Variants in KRABD5 observed in about 807,000 individuals in gnomAD.
KRABD5 encodes the protein KRAB domain containing 5.
At chr16:31,721,293 G>T in the KRABD5 span, among the ~76,000 whole-genome samples, 29 of 152,046 alleles carry the variant, frequency 1.9e-4, no homozygotes, top group East Asian at 4.8e-3. Context: ...ACGTATGTGC[G>T]TGTGACATAA....
the KRABD5 span, chr16:31,714,245 C>T: frequency 2.5e-6 from 1 of 402,084 alleles, no homozygotes; most frequent in East Asian, 7.2e-5. Context: ...TGACATGTTT[C>T]TTGCTCGAAA....
chr16:31,723,388 GAGAGGTCC>G, the KRABD5 span: 1 of 1,572,814 alleles, frequency 6.4e-7, no homozygotes, highest in South Asian at 1.2e-5. Flanking sequence ...TGACATGGGC[GAGAGGTCC>G]AGAGATTAAG....
chr16:31,733,651 C>CT, the KRABD5 span: 1 of 455,646 alleles, frequency 2.2e-6, no homozygotes. Flanking sequence ...AACAGTGTCT[C>CT]TTTCTTTTTG....
chr16:31,714,809 G>C, the KRABD5 span, among the ~76,000 whole-genome samples: 1 of 152,188 alleles, frequency 6.6e-6, no homozygotes, highest in Non-Finnish European at 1.5e-5. Context: ...TGTGGTCGAG[G>C]TTGGGCTGGA....
chr16:31,752,813 G>C, the KRABD5 span, among the ~76,000 whole-genome samples: 1 of 152,174 alleles, frequency 6.6e-6, no homozygotes, highest in Non-Finnish European at 1.5e-5. Flanking sequence ...GTTCCAGTGA[G>C]CTATGATTGT....
the KRABD5 span, among the ~76,000 whole-genome samples, chr16:31,742,539 A>G: frequency 6.6e-6 from 1 of 152,066 alleles, no homozygotes; most frequent in Non-Finnish European, 1.5e-5. Context: ...TATGTACCAC[A>G]GTTTCTTTAT....
the KRABD5 span, among the ~76,000 whole-genome samples, chr16:31,727,344 G>A: frequency 1.3e-5 from 2 of 152,180 alleles, no homozygotes; most frequent in East Asian, 1.9e-4. Context: ...GAAGGTTCAC[G>A]GCTTCACTCA....
At chr16:31,725,658 A>T in the KRABD5 span, among the ~76,000 whole-genome samples, 4 of 152,270 alleles carry the variant, frequency 2.6e-5, no homozygotes, top group South Asian at 8.3e-4. Context: ...CTGATATCTC[A>T]TTGTGTTATC....
the KRABD5 span, among the ~76,000 whole-genome samples, chr16:31,753,135 T>C: frequency 1.4e-4 from 22 of 152,320 alleles, no homozygotes; most frequent in South Asian, 4.6e-3. Flanking sequence ...CTAGTCATTC[T>C]GGGAGATTCT....
the KRABD5 span, among the ~76,000 whole-genome samples, chr16:31,751,090 A>G: frequency 6.6e-6 from 1 of 152,200 alleles, no homozygotes; most frequent in African/African-American, 2.4e-5. Flanking sequence ...GGTGAATCAC[A>G]TTTTTAAATT....
At chr16:31,754,868 G>A in the KRABD5 span, 2 of 465,982 alleles carry the variant, frequency 4.3e-6, no homozygotes, top group Non-Finnish European at 8.8e-6. Flanking sequence ...TCATACTGGA[G>A]AGAAACCATA....
At chr16:31,724,465 A>T in the KRABD5 span, among the ~76,000 whole-genome samples, 3 of 152,006 alleles carry the variant, frequency 2.0e-5, no homozygotes, top group African/African-American at 7.3e-5. Context: ...ATGCAGGCGG[A>T]TCATGAGGTC....
the KRABD5 span, among the ~76,000 whole-genome samples, chr16:31,721,653 G>A: frequency 4.7e-3 from 721 of 152,184 alleles, 9 homozygotes; most frequent in African/African-American, 0.016. Flanking sequence ...AAAACTGCTA[G>A]GATGACATCT....
At chr16:31,753,864 C>G in the KRABD5 span, 4 of 1,551,104 alleles carry the variant, frequency 2.6e-6, no homozygotes, top group African/African-American at 5.5e-5. Flanking sequence ...CTGTGGCCCT[C>G]AGAATTTAAA....
the KRABD5 span, among the ~76,000 whole-genome samples, chr16:31,724,769 C>T: frequency 6.6e-6 from 1 of 151,578 alleles, no homozygotes; most frequent in Non-Finnish European, 1.5e-5. Context: ...AAACTATATT[C>T]ATAATGCTTT....
chr16:31,748,388 C>T, the KRABD5 span, among the ~76,000 whole-genome samples: 19 of 152,116 alleles, frequency 1.2e-4, no homozygotes, highest in Non-Finnish European at 1.9e-4. Flanking sequence ...TTTTGGTTAC[C>T]GTAGCCTTGT....
At chr16:31,754,358 A>G in the KRABD5 span, 1 of 612,580 alleles carries the variant, frequency 1.6e-6, no homozygotes, top group Non-Finnish European at 2.9e-6. Context: ...ATGTCAAGGA[A>G]TAGATAATTT....
At chr16:31,718,904 C>T in the KRABD5 span, among the ~76,000 whole-genome samples, 1 of 152,158 alleles carries the variant, frequency 6.6e-6, no homozygotes, top group Non-Finnish European at 1.5e-5. Context: ...TAATTTCTTT[C>T]CATCTCAGAA....
chr16:31,722,673 G>GT, the KRABD5 span: 1 of 1,613,410 alleles, frequency 6.2e-7, no homozygotes, highest in Non-Finnish European at 8.5e-7. Flanking sequence ...CTCGGGAGGA[G>GT]TGGGAACACC....
Sources: gnomAD v4.1 joint callset for allele counts (sites outside exome capture counted in the v4.1 genomes callset) on GRCh38, gnomAD v4.1.1 for gene constraint, MANE v1.5 for transcripts, NCBI Gene and HGNC (gene_info 2026-07-23, HGNC 2026-07-21) for gene names.